Variants in TPTE2 observed in about 807,000 individuals in gnomAD.
The protein encoded by TPTE2 is phosphatidylinositol 3,4,5-trisphosphate 3-phosphatase TPTE2.
TPTE2 carries 53 observed loss-of-function variants against 78.6 expected under a neutral mutation model. The observed-to-expected ratio is 0.67, with a 90% confidence interval of 0.54 to 0.85. The LOEUF (loss-of-function observed/expected upper bound fraction) is 0.85. Among genes scored for constraint, TPTE2 ranks in the 40% least tolerant of loss-of-function variants. The pLI is 0.00. For missense variants in TPTE2, 461 were observed against 623.0 expected, an observed-to-expected ratio of 0.74 and a Z score of 2.77; for synonymous variants, 175 against 206.2, an observed-to-expected ratio of 0.85 and a Z score of 1.30.
chr13:19,560,259 G>A, the TPTE2 span: 8 of 917,672 alleles, frequency 8.7e-6, no homozygotes, highest in Non-Finnish European at 1.4e-5. Context: ...CGGCATCTTC[G>A]ATGGGCACAG....
At chr13:19,528,611 G>A (rs1411978314) in intron 1 of TPTE2, among the ~76,000 whole-genome samples, 4 of 152,212 alleles carry the variant, frequency 2.6e-5, no homozygotes, top group Non-Finnish European at 5.9e-5. Context: ...TACTCCCGTA[G>A]TAAGTAGGTA....
intron 3 of TPTE2, 70 bp downstream of exon 6, chr13:19,492,780 A>T (rs1255684575): frequency 1.9e-6 from 3 of 1,585,958 alleles, no homozygotes; most frequent in Non-Finnish European, 2.6e-6. Flanking sequence ...ATATTTGTGT[A>T]TGTGCTTGGT....
chr13:19,515,205 C>A (rs1475947625), intron 1 of TPTE2, among the ~76,000 whole-genome samples: 1 of 152,150 alleles, frequency 6.6e-6, no homozygotes, highest in Non-Finnish European at 1.5e-5. Context: ...ACTTTTCAAA[C>A]GTTTAAATAA....
chr13:19,551,362 G>A, the TPTE2 span, among the ~76,000 whole-genome samples: 2 of 152,234 alleles, frequency 1.3e-5, no homozygotes, highest in South Asian at 4.2e-4. Context: ...GGCCAAGGTG[G>A]ACGGATTACC....
At chr13:19,457,877 T>C (rs916587991) in intron 10 of TPTE2, among the ~76,000 whole-genome samples, 4 of 152,230 alleles carry the variant, frequency 2.6e-5, no homozygotes, top group Admixed American at 6.5e-5. Context: ...TCTAATTACA[T>C]TGGCATAGTT....
intron 13 of TPTE2, among the ~76,000 whole-genome samples, chr13:19,439,902 A>T (rs1323015106): frequency 1.3e-5 from 2 of 152,210 alleles, no homozygotes; most frequent in Non-Finnish European, 2.9e-5. Flanking sequence ...GTCAGACAAA[A>T]ATAAAGAAAA....
At chr13:19,541,019 C>G (rs1186644667), upstream of TPTE2, among the ~76,000 whole-genome samples, 3 of 152,188 alleles carry the variant, frequency 2.0e-5, no homozygotes, top group African/African-American at 7.2e-5. Flanking sequence ...AGGTGACAGC[C>G]AGACTGTGGT....
chr13:19,447,842 AC>A (rs1174292541), intron 13 of TPTE2, among the ~76,000 whole-genome samples: 1 of 152,114 alleles, frequency 6.6e-6, no homozygotes, highest in Non-Finnish European at 1.5e-5. Context: ...TTTTAACCCC[AC>A]CAATGTCAAC....
At chr13:19,489,759 TTA>T (rs71198909) in intron 3 of TPTE2, among the ~76,000 whole-genome samples, 20,792 of 61,772 alleles carry the variant, frequency 0.34, 1,620 homozygotes, top group Middle Eastern at 0.4. Context: ...TACATGTGTG[TTA>T]TATGTGTGTG....
At chr13:19,522,772 G>A (rs531467794) in intron 1 of TPTE2, among the ~76,000 whole-genome samples, 60 of 151,330 alleles carry the variant, frequency 4.0e-4, no homozygotes, top group South Asian at 1.3e-3. Flanking sequence ...ACAGGCACCC[G>A]CCACCATGTC....
At chr13:19,493,838 A>C (rs1268816692) in intron 1 of TPTE2, among the ~76,000 whole-genome samples, 1 of 152,152 alleles carries the variant, frequency 6.6e-6, no homozygotes, top group Non-Finnish European at 1.5e-5. Flanking sequence ...TATTCCATTC[A>C]ATGTCCTGCT....
intron 10 of TPTE2, among the ~76,000 whole-genome samples, chr13:19,454,330 A>C (rs1248652501): frequency 6.6e-6 from 1 of 152,200 alleles, no homozygotes; most frequent in Non-Finnish European, 1.5e-5. Context: ...CCTGGATTTG[A>C]ATCTTCTCCC....
chr13:19,489,086 C>G (rs1373387359), intron 3 of TPTE2, among the ~76,000 whole-genome samples: 1 of 152,116 alleles, frequency 6.6e-6, no homozygotes, highest in Non-Finnish European at 1.5e-5. Context: ...GTCAGTGGAG[C>G]AGTCGGAACA....
chr13:19,426,754 G>A (rs575392866), intron 17 of TPTE2, among the ~76,000 whole-genome samples: 7 of 152,162 alleles, frequency 4.6e-5, no homozygotes, highest in Admixed American at 1.3e-4. Flanking sequence ...ACCCAGGCTG[G>A]AGTGCAGTGG....
intron 17 of TPTE2, among the ~76,000 whole-genome samples, chr13:19,429,902 A>C (rs1244944264): frequency 6.6e-6 from 1 of 152,210 alleles, no homozygotes; most frequent in Non-Finnish European, 1.5e-5. Context: ...GTTCCTCCCC[A>C]GTTCATTCAC....
chr13:19,517,024 G>A (rs1030882400), intron 1 of TPTE2, among the ~76,000 whole-genome samples: 8 of 152,148 alleles, frequency 5.3e-5, no homozygotes, highest in African/African-American at 1.9e-4. Flanking sequence ...CTCCACAGAT[G>A]TGGCCCAAGC....
intron 17 of TPTE2, 53 bp downstream of exon 20, chr13:19,430,415 A>C: frequency 1.5e-6 from 2 of 1,354,802 alleles, no homozygotes; most frequent in Non-Finnish European, 2.1e-6. Context: ...CTGGTTTGAC[A>C]TTCAGCCTTA....
intron 11 of TPTE2, among the ~76,000 whole-genome samples, chr13:19,450,946 A>ATT (rs2137530730): frequency 6.6e-6 from 1 of 152,258 alleles, no homozygotes; most frequent in South Asian, 2.1e-4. Context: ...CTCCAGCCTC[A>ATT]TTGGTCCTGC....
intron 1 of TPTE2, among the ~76,000 whole-genome samples, chr13:19,516,259 A>G (rs1199109330): frequency 1.3e-5 from 2 of 152,248 alleles, no homozygotes; most frequent in African/African-American, 4.8e-5. Flanking sequence ...TTCATTTAAC[A>G]AAACATTCAG....
Sources: gnomAD v4.1 joint callset for allele counts (sites outside exome capture counted in the v4.1 genomes callset) on GRCh38, gnomAD v4.1.1 for gene constraint, MANE v1.5 for transcripts, NCBI Gene and HGNC (gene_info 2026-07-23, HGNC 2026-07-21) for gene names.